HS3ST4: variants seen among roughly 807,000 people sequenced by gnomAD.
The protein encoded by HS3ST4 is heparan sulfate glucosamine 3-O-sulfotransferase 4.
In HS3ST4, 17 loss-of-function variants were observed where a neutral mutation model predicts 29.2. That is an observed-to-expected ratio of 0.58 (90% confidence interval 0.40 to 0.87). The LOEUF is 0.87. HS3ST4 is among the 40% of genes least tolerant of loss of function. HS3ST4 has a pLI of 0.00. For missense variants in HS3ST4, 627 were observed against 634.5 expected (o/e 0.99, Z 0.13); for synonymous variants, 314 against 285.7 (o/e 1.10, Z -1.00).
At chr16:25,978,015 C>T (rs534966715) in intron 1 of HS3ST4, among the ~76,000 whole-genome samples, 6 of 152,340 alleles carry the variant, frequency 3.9e-5, no homozygotes, top group Admixed American at 1.3e-4. Context: ...AGTATCATCA[C>T]ATTTTTGAAT....
rs367970822 is a variant in HS3ST4 at position 26,069,360 on chromosome 16, G to A, written c.735-66252G>A. On this transcript the variant is annotated intron_variant, in intron 1 of 1. Transcript: ENST00000331351. ...TGTGCCTTGCTTTAGTGAACAGAAG[G>A]TGGTGGAAGTGATCACTTACCAGTT... Among the ~76,000 whole-genome samples the A allele has an allele frequency of 5.3e-5, 8 of 152,270 alleles. No individual in the cohort carries two copies. The East Asian group carries it at 1.5e-3, about 29-fold the overall frequency.
chr16:25,873,509 T>G (rs1431505370), intron 1 of HS3ST4, among the ~76,000 whole-genome samples: 1 of 149,546 alleles, frequency 6.7e-6, no homozygotes, highest in African/African-American at 2.5e-5. Context: ...TATCTATCTA[T>G]CTATCTATCT....
intron 1 of HS3ST4, among the ~76,000 whole-genome samples, chr16:25,708,819 T>C (rs887701638): frequency 2.0e-5 from 3 of 152,192 alleles, no homozygotes; most frequent in Admixed American, 2.0e-4. Flanking sequence ...CTTGGGACTT[T>C]TCAATTTTCC....
intron 1 of HS3ST4, among the ~76,000 whole-genome samples, chr16:25,862,472 C>T (rs537978679): frequency 5.9e-5 from 9 of 152,286 alleles, no homozygotes; most frequent in East Asian, 3.9e-4. Flanking sequence ...GGATTACAGG[C>T]GTGAGCCACC....
chr16:25,837,942 TC>T (rs1280267374), intron 1 of HS3ST4, among the ~76,000 whole-genome samples: 1 of 152,008 alleles, frequency 6.6e-6, no homozygotes, highest in Admixed American at 6.6e-5. Context: ...CTCCCCCACT[TC>T]CCCCTCTTGT....
intron 1 of HS3ST4, among the ~76,000 whole-genome samples, chr16:26,015,813 A>G (rs115781636): frequency 6.6e-6 from 1 of 152,214 alleles, no homozygotes; most frequent in Non-Finnish European, 1.5e-5. Flanking sequence ...CAAATTCCTT[A>G]CTTCACAAGA....
intron 1 of HS3ST4, among the ~76,000 whole-genome samples, chr16:26,015,128 G>A (rs13330307): frequency 0.043 from 6,479 of 152,230 alleles, 462 homozygotes; most frequent in African/African-American, 0.14. Flanking sequence ...CTGCCAAGTC[G>A]ACCTAAGACT....
chr16:25,965,798 C>G (rs1968836856), intron 1 of HS3ST4, among the ~76,000 whole-genome samples: 1 of 152,128 alleles, frequency 6.6e-6, no homozygotes, highest in Non-Finnish European at 1.5e-5. Flanking sequence ...AACATTATGT[C>G]TTTTTACATA....
At chr16:25,891,972 A>G (rs1227039570) in intron 1 of HS3ST4, among the ~76,000 whole-genome samples, 2 of 152,214 alleles carry the variant, frequency 1.3e-5, no homozygotes, top group Non-Finnish European at 2.9e-5. Context: ...TGAAGATTAC[A>G]TGAACTCATA....
intron 1 of HS3ST4, among the ~76,000 whole-genome samples, chr16:25,757,125 A>T (rs9788855): frequency 0.027 from 4,142 of 152,206 alleles, 176 homozygotes; most frequent in East Asian, 0.17. Context: ...TCCTAGGAGG[A>T]CACTGTTTAC....
intron 1 of HS3ST4, among the ~76,000 whole-genome samples, chr16:25,883,389 CA>C (rs1419271742): frequency 1.5e-5 from 1 of 68,238 alleles, no homozygotes; most frequent in Admixed American, 1.5e-4. Flanking sequence ...GAAAAAACAA[CA>C]AAAAAAATAC....
chr16:26,137,245 G>C lies in HS3ST4; in HGVS notation c.*997G>C, dbSNP rs1440940124. ...GGTCCCTAGAAGGGCAAAGACCAGA[G>C]AGTTGACAAGTCTGTTATTAGGAAT... On this transcript the variant is annotated 3_prime_UTR_variant, in exon 2 of 2. Coordinates refer to ENST00000331351, the MANE Select transcript of HS3ST4 (RefSeq NM_006040.3). 1 of 152,150 alleles carries C rather than the reference G, an allele frequency of 6.6e-6. No homozygotes were observed. The highest frequency in any genetic ancestry group is 1.5e-5 in the Non-Finnish European group (1 of 68,040). The allele number at this position is 152,150 out of a possible 1,614,324, so 9.4% of individuals were successfully genotyped here.
chr16:25,986,036 A>G (rs1207718591), intron 1 of HS3ST4, among the ~76,000 whole-genome samples: 4 of 151,958 alleles, frequency 2.6e-5, no homozygotes, highest in Non-Finnish European at 5.9e-5. Flanking sequence ...CTTGGCTTTC[A>G]TTCTTTTCTT....
chr16:25,861,697 T>A (rs1487689883), intron 1 of HS3ST4, among the ~76,000 whole-genome samples: 1 of 152,130 alleles, frequency 6.6e-6, no homozygotes, highest in Non-Finnish European at 1.5e-5. Flanking sequence ...CACAGTTCCT[T>A]CCCTTTCTCT....
In HS3ST4 at chr16:25,977,841, TG is replaced by T. The variant is rs1968959250; in HGVS notation, c.735-157770del. ...GGAACACCAAGCACTTCTGAGTGGG[TG>T]CCCTGCTGTGTCCAGTACTGTCAGG... is the stretch of plus-strand genomic sequence containing the variant. On this transcript the variant is annotated intron_variant, in intron 1 of 1. Transcript: ENST00000331351. Among the ~76,000 whole-genome samples the T allele has an allele frequency of 2.6e-5, 4 of 152,314 alleles. 1 individual carries two copies. In the South Asian group the frequency reaches 8.3e-4, roughly 32 times the overall value.
At chr16:25,816,858 T>G (rs557888959) in intron 1 of HS3ST4, among the ~76,000 whole-genome samples, 9 of 152,218 alleles carry the variant, frequency 5.9e-5, no homozygotes, top group Non-Finnish European at 1.2e-4. Flanking sequence ...GGGGGCTGAA[T>G]GTTCTAGCCT....
At chr16:26,128,861 G>T (rs917442126) in intron 1 of HS3ST4, among the ~76,000 whole-genome samples, 2 of 151,264 alleles carry the variant, frequency 1.3e-5, no homozygotes, top group Non-Finnish European at 3.0e-5. Flanking sequence ...TCTGTGCAGG[G>T]GAACTGGCCC....
chr16:26,080,243 T>C (rs898369855), intron 1 of HS3ST4, among the ~76,000 whole-genome samples: 1 of 152,024 alleles, frequency 6.6e-6, no homozygotes, highest in African/African-American at 2.4e-5. Context: ...GAGACATACT[T>C]TTGCCTCCTT....
At chr16:25,717,074 G>A (rs556858017) in intron 1 of HS3ST4, among the ~76,000 whole-genome samples, 1 of 152,152 alleles carries the variant, frequency 6.6e-6, no homozygotes, top group African/African-American at 2.4e-5. Context: ...AGGGAGGCAG[G>A]GAGGGAATTA....
Sources: allele counts gnomAD v4.1 joint callset (sites outside exome capture counted in the v4.1 genomes callset), GRCh38; gene constraint gnomAD v4.1.1; transcripts MANE v1.5; gene names NCBI Gene and HGNC (gene_info 2026-07-23, HGNC 2026-07-21).